The following ANXA2 variants were observed in gnomAD, a reference collection of about 807,000 sequenced individuals.
ANXA2 encodes annexin A2.
A neutral mutation model predicts 47.3 loss-of-function variants in ANXA2; 28 were observed. The observed-to-expected ratio is 0.59, with a 90% CI of 0.44 to 0.81. ANXA2 has a LOEUF of 0.81. Ranked by LOEUF, ANXA2 falls within the 40% of genes least tolerant of loss-of-function variation. The probability of loss-of-function intolerance (pLI) is 0.00; values close to 1 mark genes in which losing one functional copy is unlikely to be tolerated. For synonymous variants in ANXA2, 172 were observed against 155.5 expected (o/e 1.11, Z -0.79); for missense variants, 384 against 414.3 (o/e 0.93, Z 0.64).
intron 3 of ANXA2, among the ~76,000 whole-genome samples, chr15:60,375,303 CAAT>C (rs1348461194): frequency 1.3e-5 from 2 of 152,092 alleles, no homozygotes; most frequent in African/African-American, 4.8e-5. Flanking sequence ...TCAAAACTGG[CAAT>C]AATAATAGGG....
chr15:60,387,623 T>A (rs2062950610), intron 1 of ANXA2, among the ~76,000 whole-genome samples: 1 of 152,194 alleles, frequency 6.6e-6, no homozygotes, highest in South Asian at 2.1e-4. Flanking sequence ...AGATCAGGGA[T>A]TCAGGGGAGG....
intron 5 of ANXA2, among the ~76,000 whole-genome samples, chr15:60,360,646 G>A (rs909463863): frequency 3.9e-5 from 6 of 152,122 alleles, no homozygotes; most frequent in Admixed American, 2.6e-4. Flanking sequence ...CTTTTTAAAG[G>A]AGGAAGTGTA....
At chr15:60,393,606 T>A (rs1382748390) in intron 1 of ANXA2, 2 of 985,242 alleles carry the variant, frequency 2.0e-6, no homozygotes. Flanking sequence ...ACTTTCTAAG[T>A]TCCCTCCACC....
chr15:60,392,777 A>G (rs1028934500), intron 1 of ANXA2, among the ~76,000 whole-genome samples: 1 of 152,236 alleles, frequency 6.6e-6, no homozygotes, highest in Admixed American at 6.5e-5. Context: ...CGCAAAACAG[A>G]TTCTTAGCAA....
chr15:60,387,743 G>C (rs958961500), intron 1 of ANXA2, among the ~76,000 whole-genome samples: 1 of 152,168 alleles, frequency 6.6e-6, no homozygotes, highest in African/African-American at 2.4e-5. Context: ...GAGTGGTAAC[G>C]ATGTGTCAAT....
chr15:60,390,718 T>G (rs1206921662), intron 1 of ANXA2: 1 of 187,532 alleles, frequency 5.3e-6, no homozygotes, highest in Non-Finnish European at 1.1e-5. Context: ...GACAATAAAA[T>G]CTTGAGGTTA....
intron 2 of ANXA2, 173 bp downstream of exon 2, chr15:60,385,854 TC>T: frequency 1.9e-6 from 1 of 533,996 alleles, no homozygotes; most frequent in Non-Finnish European, 3.4e-6. Flanking sequence ...CCATGATATT[TC>T]CTTCAAATTG....
At position 60,352,230 on chromosome 15, in the gene ANXA2, G is replaced by C. The variant is rs1420474871; in HGVS notation, c.682+153C>G. On this transcript the variant is annotated intron_variant, in intron 9 of 12. Coordinates refer to ENST00000451270, the MANE Select transcript of ANXA2 (RefSeq NM_004039.3). The surrounding 1 kb of genome is among the most constrained non-coding windows in gnomAD (Gnocchi z 4.2). ...TTTGCAAGAGAAAAGAATCCAGAAT[G>C]GGAGAGAAAGGTGAGGGAAAATGGG... 1.7e-6 allele frequency: 1 copy of C among 581,724 alleles called. No individual in the cohort carries two copies. The highest frequency in any genetic ancestry group is 1.9e-5 in the African/African-American group (1 of 53,360). The allele number at this position is 581,724 out of a possible 1,614,324, so 36.0% of individuals were successfully genotyped here. A position where few individuals can be genotyped will look rare whatever the true frequency, so the allele number is the denominator to read the frequency against.
At chr15:60,393,389 A>T in intron 1 of ANXA2, 1 of 1,009,566 alleles carries the variant, frequency 9.9e-7, no homozygotes, top group Non-Finnish European at 1.2e-6. Flanking sequence ...TCTGCAACTC[A>T]ATTTCAGTGT....
At chr15:60,387,346 TCAGA>T (rs1342317289) in intron 1 of ANXA2, among the ~76,000 whole-genome samples, 1 of 152,206 alleles carries the variant, frequency 6.6e-6, no homozygotes, top group Non-Finnish European at 1.5e-5. Context: ...CTCACAACTC[TCAGA>T]CAGCCTCCCC....
chr15:60,362,458 G>C (rs2062529671), intron 4 of ANXA2, among the ~76,000 whole-genome samples: 1 of 152,152 alleles, frequency 6.6e-6, no homozygotes, highest in South Asian at 2.1e-4. Context: ...GTAAGGAGAA[G>C]CCTCGCATCT....
intron 4 of ANXA2, chr15:60,363,048 A>AC (rs1282810325): frequency 9.9e-5 from 15 of 150,850 alleles, no homozygotes; most frequent in African/African-American, 3.7e-4. Context: ...AAAAAAAAAA[A>AC]AAAAAAAAAA....
rs12439973 is a variant in ANXA2 at position 60,352,149 on chromosome 15, C to A, written c.682+234G>T. ...CTACTTCAACAAATAATGGCAAGAC[C>A]AAATGATCATCAAACAAGAAGGAGC... On this transcript the variant is annotated intron_variant, in intron 9 of 12. Coordinates refer to ENST00000451270, the MANE Select transcript of ANXA2 (RefSeq NM_004039.3). This position sits in a 1 kb window ranked among gnomAD's most constrained non-coding sequence, Gnocchi z 4.2. Among the ~76,000 whole-genome samples the A allele has an allele frequency of 0.79, 120,078 of 152,188 alleles. 47,796 individuals carry two copies. Among genetic ancestry groups the A allele is most frequent in the African/African-American group, 0.87 (36,249 of 41,532 alleles).
chr15:60,379,395 T>C (rs1032417846), intron 3 of ANXA2, among the ~76,000 whole-genome samples: 2 of 152,120 alleles, frequency 1.3e-5, no homozygotes, highest in Non-Finnish European at 2.9e-5. Flanking sequence ...ACCACAAATA[T>C]GAGACTTAAC....
chr15:60,382,701 C>A lies in ANXA2; in HGVS notation c.49-260G>T, dbSNP rs1595701848. On this transcript the variant is annotated intron_variant, in intron 2 of 12. Coordinates refer to ENST00000451270, the MANE Select transcript of ANXA2 (RefSeq NM_004039.3). ...TCTCATCTTACTTTTAGTGAGAGATCAAAAGTAGACAATGCAAAGCTGGAG... is the reference window on the plus strand; with the variant it reads ...TCTCATCTTACTTTTAGTGAGAGATAAAAAGTAGACAATGCAAAGCTGGAG... 1.7e-5 allele frequency: 5 copies of A among 294,904 alleles called. No individual in the cohort carries two copies. In the East Asian group the frequency reaches 2.8e-4, roughly 17 times the overall value. The allele number at this position is 294,904 out of a possible 1,614,324, so 18.3% of individuals were successfully genotyped here.
chr15:60,364,501 G>A lies in ANXA2; in HGVS notation c.171C>T (p.Val57=), dbSNP rs745354211. ...CATTGCTGCGGTTGGTCAAAATGTTGACAATGGTGACCTCATCCACACCTA... is the reference window on the plus strand; with the variant it reads ...CATTGCTGCGGTTGGTCAAAATGTTAACAATGGTGACCTCATCCACACCTA... ...KTKGVDEVTI[V]NILTNRSNAQ... Residue 57 remains valine, a synonymous_variant, in exon 4 of 13, where the codon GTC becomes GTT. Transcript: ENST00000451270. 45 of 1,613,122 alleles carry A rather than the reference G, an allele frequency of 2.8e-5. No individual in the cohort carries two copies. In the Admixed American group the frequency reaches 7.4e-4, roughly 26 times the overall value.
intron 1 of ANXA2, chr15:60,390,707 G>A (rs2062997727): frequency 1.5e-5 from 3 of 200,894 alleles, no homozygotes; most frequent in Non-Finnish European, 3.1e-5. Context: ...TTTATTATGA[G>A]GACAATAAAA....
In ANXA2 at chr15:60,382,426, T is replaced by C. The variant is rs1472760530; in HGVS notation, c.64A>G (p.Ser22Gly). The change falls in exon 3 of 13, where the codon AGT (serine) becomes GGT (glycine). Residue 22 changes from serine (S) to glycine (G), a missense_variant. By Grantham distance (56) the Ser-to-Gly change is moderately conservative. Coordinates refer to ENST00000451270, the MANE Select transcript of ANXA2 (RefSeq NM_004039.3). Reference sequence around the variant, plus strand: ...TAGGCTTTGACAGACCCATATGCACTTGGGGGTGTAGAGTGCTGAGGTTAA... The same window carrying C: ...TAGGCTTTGACAGACCCATATGCACCTGGGGGTGTAGAGTGCTGAGGTTAA... ...SLEGDHSTPP[S>G]AYGSVKAYTN... The C allele has an allele frequency of 6.2e-7, 1 of 1,613,332 alleles. No individual in the cohort carries two copies. The highest frequency in any genetic ancestry group is 8.5e-7 in the Non-Finnish European group (1 of 1,179,372).
intron 8 of ANXA2, among the ~76,000 whole-genome samples, chr15:60,353,238 T>G (rs1237115844): frequency 6.6e-6 from 1 of 152,236 alleles, no homozygotes; most frequent in Non-Finnish European, 1.5e-5. Context: ...TATAGTTCAT[T>G]GCAGTCTGAA....
Sources: allele counts gnomAD v4.1 joint callset (sites outside exome capture counted in the v4.1 genomes callset), GRCh38; gene constraint gnomAD v4.1.1; non-coding constraint Gnocchi (gnomAD v3.1); transcripts MANE v1.5; gene names NCBI Gene and HGNC (gene_info 2026-07-23, HGNC 2026-07-21).